The following RFTN2 variants were observed in gnomAD, a reference collection of about 807,000 sequenced individuals.
The protein encoded by RFTN2 is raftlin family member 2.
A neutral mutation model predicts 52.7 loss-of-function variants in RFTN2; 34 were observed. The observed-to-expected ratio is 0.64, with a 90% CI of 0.49 to 0.86. The LOEUF (loss-of-function observed/expected upper bound fraction) is 0.86. Ranked by LOEUF, RFTN2 falls within the 40% of genes least tolerant of loss-of-function variation. RFTN2 has a pLI of 0.00. For synonymous variants in RFTN2, 203 were observed against 217.7 expected, an observed-to-expected ratio of 0.93 and a Z score of 0.59; for missense variants, 536 against 600.1, an observed-to-expected ratio of 0.89 and a Z score of 1.12.
intron 1 of RFTN2, among the ~76,000 whole-genome samples, chr2:197,649,914 A>C (rs73052843): frequency 0.048 from 7,263 of 152,252 alleles, 553 homozygotes; most frequent in African/African-American, 0.16. Context: ...GATACTCAGC[A>C]GTTAGTAATT....
chr2:197,569,442 T>C lies in RFTN2; in HGVS notation c.*2566A>G, dbSNP rs371108636. The stretch of plus-strand genomic sequence containing the variant: ...AAAATACTCTAGAACCACTTGATCA[T>C]AAATTATTCGCTATCATACAAATTC... On this transcript the variant is annotated 3_prime_UTR_variant, in exon 9 of 9. Transcript: ENST00000295049. 1.3e-5 allele frequency: 2 copies of C among 152,244 alleles called. No homozygotes were observed. Among genetic ancestry groups the C allele is most frequent in the Non-Finnish European group, 2.9e-5 (2 of 68,044 alleles). The allele number at this position is 152,244 out of a possible 1,614,324, so 9.4% of individuals were successfully genotyped here.
At chr2:197,579,864 T>G (rs947051404) in intron 8 of RFTN2, among the ~76,000 whole-genome samples, 1 of 152,044 alleles carries the variant, frequency 6.6e-6, no homozygotes, top group African/African-American at 2.4e-5. Context: ...TCACTGCCCC[T>G]CCTCACACCT....
intron 8 of RFTN2, among the ~76,000 whole-genome samples, chr2:197,592,488 C>T (rs965565765): frequency 2.0e-5 from 3 of 152,206 alleles, no homozygotes; most frequent in African/African-American, 7.2e-5. Context: ...AGCCACTGTG[C>T]CTGGCTGAAG....
intron 8 of RFTN2, among the ~76,000 whole-genome samples, chr2:197,579,256 C>G (rs2087467051): frequency 6.6e-6 from 1 of 152,144 alleles, no homozygotes; most frequent in South Asian, 2.1e-4. Context: ...GGGTGGTAAG[C>G]ACCACCTTGC....
intron 8 of RFTN2, among the ~76,000 whole-genome samples, chr2:197,577,055 T>C (rs1243840411): frequency 2.0e-5 from 3 of 152,216 alleles, no homozygotes; most frequent in Non-Finnish European, 4.4e-5. Context: ...CACTTTTCTC[T>C]TATCTACCCC....
At chr2:197,669,306 C>G (rs2089109279) in intron 1 of RFTN2, among the ~76,000 whole-genome samples, 1 of 151,534 alleles carries the variant, frequency 6.6e-6, no homozygotes, top group South Asian at 2.1e-4. Flanking sequence ...AGAGTTTTCT[C>G]TCTTCTGAGT....
chr2:197,621,989 A>G (rs978856591), intron 5 of RFTN2, among the ~76,000 whole-genome samples: 1 of 152,214 alleles, frequency 6.6e-6, no homozygotes, highest in Non-Finnish European at 1.5e-5. Flanking sequence ...CTTCTCGATG[A>G]TGGAGACAGT....
At chr2:197,628,357 C>G (rs2088403791) in intron 5 of RFTN2, among the ~76,000 whole-genome samples, 1 of 152,106 alleles carries the variant, frequency 6.6e-6, no homozygotes, top group South Asian at 2.1e-4. Flanking sequence ...CCGTGACCCC[C>G]TCCACCCCAT....
intron 5 of RFTN2, among the ~76,000 whole-genome samples, chr2:197,627,181 T>C (rs2088378669): frequency 6.6e-6 from 1 of 152,122 alleles, no homozygotes; most frequent in South Asian, 2.1e-4. Context: ...TACATTTAGA[T>C]GTGTTTCTCC....
chr2:197,585,821 C>T (rs1039821344), intron 8 of RFTN2, among the ~76,000 whole-genome samples: 1 of 152,208 alleles, frequency 6.6e-6, no homozygotes, highest in South Asian at 2.1e-4. Flanking sequence ...CCTCCCCAGA[C>T]ATGTGACATC....
rs2088716770 is a variant in RFTN2, at chr2:197,644,264, T to C, written c.332A>G (p.Asn111Ser). The C allele has an allele frequency of 6.3e-7, 1 of 1,581,342 alleles. No homozygotes were observed. The highest frequency in any genetic ancestry group is 1.3e-5 in the African/African-American group (1 of 74,180). ...VLLRLKLSPK[N>S]SAAPSGQRRP... ...TCTTTGTCCACTGGGTGCTGCCGAA[T>C]TCTTTGGGCTGTAACAGAGGGAATA... is the stretch of plus-strand genomic sequence containing the variant. Residue 111 changes from asparagine (N) to serine (S), a missense_variant, in exon 3 of 9, where the codon AAT becomes AGT. Transcript: ENST00000295049.
intron 6 of RFTN2, among the ~76,000 whole-genome samples, chr2:197,617,337 A>T (rs978238985): frequency 1.4e-4 from 22 of 152,348 alleles, no homozygotes; most frequent in African/African-American, 5.3e-4. Context: ...TTAACACTGG[A>T]TAAAGCAAAT....
chr2:197,644,090 G>A, intron 3 of RFTN2, 68 bp downstream of exon 3: 1 of 912,714 alleles, frequency 1.1e-6, no homozygotes. Context: ...GGGTAAAAAA[G>A]GGAATTGATG....
chr2:197,584,855 A>G (rs1344502149), intron 8 of RFTN2, among the ~76,000 whole-genome samples: 1 of 152,130 alleles, frequency 6.6e-6, no homozygotes, highest in African/African-American at 2.4e-5. Flanking sequence ...TAGACAGGAA[A>G]TTCGCCAGGC....
chr2:197,600,144 C>T (rs2087858644), intron 7 of RFTN2, among the ~76,000 whole-genome samples: 2 of 152,122 alleles, frequency 1.3e-5, no homozygotes, highest in African/African-American at 2.4e-5. Context: ...CAGGCATGAG[C>T]CACCTCGCCT....
At chr2:197,623,469 C>A (rs972630794) in intron 5 of RFTN2, among the ~76,000 whole-genome samples, 2 of 152,062 alleles carry the variant, frequency 1.3e-5, no homozygotes, top group Non-Finnish European at 2.9e-5. Context: ...AAAGTGGTTT[C>A]TTTCTTTTTT....
Position 197,646,504 on chromosome 2 carries a change from A to G in RFTN2, c.302T>C (p.Val101Ala), listed in dbSNP as rs960699565. ...HLPASYLYRV[V>A]LLRLKLSPKN... ...TTACCTTAATTTCAAGCGCAATAGCACCACTCTGTATAGGTAACTTGCAGG... is the reference window on the plus strand; with the variant it reads ...TTACCTTAATTTCAAGCGCAATAGCGCCACTCTGTATAGGTAACTTGCAGG... Residue 101 changes from valine to alanine, a missense_variant, in exon 2 of 9, where the codon GTG becomes GCG. Physicochemically the swap from Val to Ala is moderately conservative, Grantham distance 64. Transcript: ENST00000295049. 6.2e-7 allele frequency: 1 copy of G among 1,613,874 alleles called. No individual in the cohort carries two copies. The highest frequency in any genetic ancestry group is 1.3e-5 in the African/African-American group (1 of 74,882).
chr2:197,580,998 TTAA>T (rs1370159455), intron 8 of RFTN2, among the ~76,000 whole-genome samples: 4 of 152,166 alleles, frequency 2.6e-5, no homozygotes, highest in African/African-American at 9.6e-5. Flanking sequence ...TCCCCCCAAC[TTAA>T]CCCACAAGTA....
chr2:197,636,360 C>T (rs2106239128), intron 3 of RFTN2, among the ~76,000 whole-genome samples: 1 of 135,118 alleles, frequency 7.4e-6, no homozygotes, highest in Admixed American at 7.5e-5. Flanking sequence ...ATTGATTCTT[C>T]CTACCCATGA....
Sources: gnomAD v4.1 joint callset for allele counts (sites outside exome capture counted in the v4.1 genomes callset) on GRCh38, gnomAD v4.1.1 for gene constraint, MANE v1.5 for transcripts, NCBI Gene and HGNC (gene_info 2026-07-23, HGNC 2026-07-21) for gene names.